NIBAN1: variants seen among roughly 807,000 people sequenced by gnomAD.
NIBAN1 encodes niban apoptosis regulator 1, also known as protein Niban 1.
A neutral mutation model predicts 75.1 loss-of-function variants in NIBAN1; 81 were observed. That is an observed-to-expected ratio of 1.08 (90% confidence interval 0.90 to 1.30). The LOEUF (loss-of-function observed/expected upper bound fraction) is 1.30. NIBAN1 is among the 50% of genes most tolerant of loss of function. The pLI, the probability that NIBAN1 is intolerant of heterozygous loss-of-function variation, is 0.00. For synonymous variants in NIBAN1, 436 were observed against 424.8 expected (o/e 1.03, Z -0.32); for missense variants, 1,133 against 1,128.1 (o/e 1.00, Z -0.06).
chr1:184,795,729 T>C lies in NIBAN1; in HGVS notation c.2035A>G (p.Thr679Ala). 1.9e-6 allele frequency: 3 copies of C among 1,612,970 alleles called. No homozygotes were observed. The highest frequency in any genetic ancestry group is 1.7e-4 in the Middle Eastern group (1 of 6,050). The change falls in exon 14 of 14, where the codon ACA becomes GCA. Residue 679 changes from threonine (T) to alanine (A), a missense_variant. Physicochemically the swap from Thr to Ala is moderately conservative, Grantham distance 58 (BLOSUM62 0). Coordinates refer to ENST00000367511, the MANE Select transcript of NIBAN1 (RefSeq NM_052966.4). ...ATEDTAGLPG[T>A]CSSELEFGGT... is the part of the protein sequence containing the mutation. ...CCAAACTCCAGCTCTGATGAGCATG[T>C]GCCCGGGAGTCCTGCTGTGTCCTCT...
chr1:184,903,901 A>C (rs1557907943), intron 1 of NIBAN1, among the ~76,000 whole-genome samples: 1 of 137,928 alleles, frequency 7.3e-6, no homozygotes, highest in Non-Finnish European at 1.6e-5. Context: ...CACACTTATT[A>C]TTTTTTTTTT....
intron 5 of NIBAN1, among the ~76,000 whole-genome samples, chr1:184,851,894 C>G (rs1009384991): frequency 6.6e-6 from 1 of 151,240 alleles, no homozygotes; most frequent in Admixed American, 6.6e-5. Context: ...ATTTGCCTTT[C>G]CAGAGTCAAA....
intron 1 of NIBAN1, among the ~76,000 whole-genome samples, chr1:184,966,787 G>GA (rs558112258): frequency 1.3e-5 from 2 of 151,402 alleles, no homozygotes; most frequent in Non-Finnish European, 2.9e-5. Context: ...AAAGGAAAAA[G>GA]AAAAAAAACC....
At chr1:184,891,200 A>G (rs1656658187) in intron 3 of NIBAN1, among the ~76,000 whole-genome samples, 1 of 152,230 alleles carries the variant, frequency 6.6e-6, no homozygotes, top group Non-Finnish European at 1.5e-5. Flanking sequence ...TAAGCATGTG[A>G]GGGAACCAGA....
intron 8 of NIBAN1, 117 bp downstream of exon 8, chr1:184,823,050 C>G: frequency 8.0e-7 from 1 of 1,253,216 alleles, no homozygotes; most frequent in Non-Finnish European, 1.1e-6. Context: ...GCTGTGATCA[C>G]CTCCTCCCAA....
chr1:184,897,951 C>G (rs1656843423), intron 2 of NIBAN1, among the ~76,000 whole-genome samples: 1 of 152,202 alleles, frequency 6.6e-6, no homozygotes, highest in African/African-American at 2.4e-5. Flanking sequence ...CCATTCTCCC[C>G]TCTCGCCCCA....
intron 1 of NIBAN1, among the ~76,000 whole-genome samples, chr1:184,947,261 G>A (rs1270667719): frequency 1.9e-4 from 29 of 152,116 alleles, no homozygotes; most frequent in Admixed American, 1.9e-3. Flanking sequence ...AAGGTAGGGT[G>A]CTGTAGTAAA....
chr1:184,864,158 A>G (rs1184601224), intron 5 of NIBAN1, among the ~76,000 whole-genome samples: 3 of 152,210 alleles, frequency 2.0e-5, no homozygotes, highest in African/African-American at 2.4e-5. Flanking sequence ...GCCTACCTCT[A>G]GGCAATCTCC....
chr1:184,864,413 G>T (rs1384537590), intron 5 of NIBAN1, among the ~76,000 whole-genome samples: 2 of 152,050 alleles, frequency 1.3e-5, no homozygotes, highest in African/African-American at 4.8e-5. Flanking sequence ...CACTTTATAG[G>T]TACATTATTC....
At chr1:184,820,149 A>C (rs539901695) in intron 8 of NIBAN1, among the ~76,000 whole-genome samples, 1 of 152,370 alleles carries the variant, frequency 6.6e-6, no homozygotes, top group East Asian at 1.9e-4. Flanking sequence ...CTTGACACTA[A>C]AGTGTAAAAC....
intron 1 of NIBAN1, among the ~76,000 whole-genome samples, chr1:184,963,133 CT>C (rs774237967): frequency 5.3e-5 from 8 of 152,006 alleles, no homozygotes; most frequent in Non-Finnish European, 8.8e-5. Flanking sequence ...AGACATTTCA[CT>C]GTGACCAAGT....
At chr1:184,862,503 G>A (rs1212739482) in intron 5 of NIBAN1, among the ~76,000 whole-genome samples, 1 of 151,946 alleles carries the variant, frequency 6.6e-6, no homozygotes, top group East Asian at 1.9e-4. Flanking sequence ...TTTTTGTTTT[G>A]TTTTGTTAAA....
chr1:184,909,974 A>C (rs897628055), intron 1 of NIBAN1, among the ~76,000 whole-genome samples: 1 of 152,186 alleles, frequency 6.6e-6, no homozygotes, highest in Non-Finnish European at 1.5e-5. Context: ...AATAGAGGCC[A>C]AAAACTCCAC....
At chr1:184,936,270 G>T (rs111825030) in intron 1 of NIBAN1, among the ~76,000 whole-genome samples, 2,444 of 152,216 alleles carry the variant, frequency 0.016, 40 homozygotes, top group South Asian at 0.047. Flanking sequence ...AGAACTCACA[G>T]ATTCCGGGAG....
intron 8 of NIBAN1, among the ~76,000 whole-genome samples, chr1:184,822,354 G>A (rs1402029292): frequency 2.0e-5 from 3 of 152,200 alleles, no homozygotes; most frequent in Non-Finnish European, 4.4e-5. Flanking sequence ...TTTCTGTAAA[G>A]GACCAAATAG....
intron 1 of NIBAN1, among the ~76,000 whole-genome samples, chr1:184,968,948 C>A (rs1010665753): frequency 5.9e-5 from 9 of 152,190 alleles, no homozygotes; most frequent in African/African-American, 2.2e-4. Flanking sequence ...ACCTCATGGT[C>A]CATGACAGCT....
intron 1 of NIBAN1, among the ~76,000 whole-genome samples, chr1:184,921,265 C>G (rs1276939861): frequency 6.6e-6 from 1 of 152,058 alleles, no homozygotes; most frequent in Non-Finnish European, 1.5e-5. Flanking sequence ...CCATTGCACT[C>G]CAGCCTGGGC....
At chr1:184,916,412 A>G (rs867284074) in intron 1 of NIBAN1, among the ~76,000 whole-genome samples, 11 of 152,354 alleles carry the variant, frequency 7.2e-5, no homozygotes, top group Admixed American at 2.0e-4. Context: ...TGTAACAGGT[A>G]CATGACAATG....
At chr1:184,904,672 G>A (rs760131818) in intron 1 of NIBAN1, among the ~76,000 whole-genome samples, 1 of 151,998 alleles carries the variant, frequency 6.6e-6, no homozygotes, top group Admixed American at 6.6e-5. Flanking sequence ...AAAGTCTCTT[G>A]GGCTGGGCGC....
Sources: gnomAD v4.1 joint callset for allele counts (sites outside exome capture counted in the v4.1 genomes callset) on GRCh38, gnomAD v4.1.1 for gene constraint, MANE v1.5 for transcripts, NCBI Gene and HGNC (gene_info 2026-07-23, HGNC 2026-07-21) for gene names.